Variants in DPYD observed in about 807,000 individuals in gnomAD.
DPYD encodes the protein dihydropyrimidine dehydrogenase.
In DPYD, 109 loss-of-function variants were observed where a neutral mutation model predicts 116.2. That is an observed-to-expected ratio of 0.94 (90% CI 0.80 to 1.10). The LOEUF (loss-of-function observed/expected upper bound fraction) is 1.10, where lower values mean the gene tolerates loss of function less well. Among genes scored for constraint, DPYD ranks in the 50% least tolerant of loss-of-function variants. The pLI is 0.00. For missense variants in DPYD, 1,302 were observed against 1,254.5 expected (o/e 1.04, Z -0.57); for synonymous variants, 440 against 432.0 (o/e 1.02, Z -0.23).
intron 14 of DPYD, among the ~76,000 whole-genome samples, chr1:97,397,770 T>A (rs1198899205): frequency 1.3e-5 from 2 of 152,056 alleles, no homozygotes; most frequent in Non-Finnish European, 2.9e-5. Flanking sequence ...TACTGAAGGA[T>A]ATTTTGGTTA....
intron 4 of DPYD, among the ~76,000 whole-genome samples, chr1:97,732,930 G>A (rs898377754): frequency 6.6e-6 from 1 of 151,980 alleles, no homozygotes; most frequent in East Asian, 1.9e-4. Context: ...AAAAAGCTAG[G>A]ATACTTTGAA....
chr1:97,332,062 T>C (rs186065972), intron 16 of DPYD, among the ~76,000 whole-genome samples: 2 of 152,324 alleles, frequency 1.3e-5, no homozygotes, highest in Non-Finnish European at 2.9e-5. Context: ...TTGATCATTG[T>C]TATCTTCTAA....
intron 14 of DPYD, among the ~76,000 whole-genome samples, chr1:97,391,480 A>C (rs1038730505): frequency 2.0e-5 from 3 of 152,022 alleles, no homozygotes; most frequent in African/African-American, 7.2e-5. Context: ...AGAGTTAAAA[A>C]ATAATAATAA....
At chr1:97,372,051 G>C (rs1025521454) in intron 16 of DPYD, among the ~76,000 whole-genome samples, 2 of 152,178 alleles carry the variant, frequency 1.3e-5, no homozygotes, top group Admixed American at 1.3e-4. Flanking sequence ...AGTAAATTCA[G>C]ATGTGCTCAT....
chr1:97,471,740 C>T (rs1319513797), intron 13 of DPYD, among the ~76,000 whole-genome samples: 1 of 152,132 alleles, frequency 6.6e-6, no homozygotes, highest in South Asian at 2.1e-4. Flanking sequence ...CAGGCGCCCA[C>T]CACCATGCCC....
intron 18 of DPYD, among the ~76,000 whole-genome samples, chr1:97,252,097 T>C (rs1319201066): frequency 6.6e-6 from 1 of 152,172 alleles, no homozygotes; most frequent in Non-Finnish European, 1.5e-5. Context: ...TTAAGGAATA[T>C]TTGGCTCATA....
At chr1:97,268,459 C>T (rs1235905885) in intron 18 of DPYD, among the ~76,000 whole-genome samples, 8 of 152,134 alleles carry the variant, frequency 5.3e-5, no homozygotes, top group African/African-American at 1.9e-4. Context: ...TATGACAAGT[C>T]TCTTCTTAGG....
intron 18 of DPYD, among the ~76,000 whole-genome samples, chr1:97,273,694 TG>T (rs965763508): frequency 6.6e-6 from 1 of 152,204 alleles, no homozygotes; most frequent in African/African-American, 2.4e-5. Flanking sequence ...ATTGCTTTTT[TG>T]TAAGACATTT....
At chr1:97,891,648 A>G (rs988320072) in intron 1 of DPYD, among the ~76,000 whole-genome samples, 3 of 151,906 alleles carry the variant, frequency 2.0e-5, no homozygotes, top group African/African-American at 7.2e-5. Context: ...AAAAAAGAGA[A>G]GCCTGTATTG....
chr1:97,721,499 AT>A lies in DPYD; in HGVS notation c.483+10del. 6.2e-7 allele frequency: 1 copy of A among 1,610,874 alleles called. No homozygotes were observed. The highest frequency in any genetic ancestry group is 1.3e-5 in the African/African-American group (1 of 74,816). The stretch of plus-strand genomic sequence containing the variant: ...GGTAGTGGGGGGATGTCACGTGTAT[AT>A]CATACATACCTCAGTAGCAAATTGC... On this transcript the variant is annotated intron_variant, in intron 5 of 22. Coordinates refer to ENST00000370192, the MANE Select transcript of DPYD (RefSeq NM_000110.4).
rs542803127 is a variant in DPYD, at chr1:97,495,613, T to C, written c.1740+20113A>G. On this transcript the variant is annotated intron_variant, in intron 13 of 22. Coordinates refer to ENST00000370192, the MANE Select transcript of DPYD (RefSeq NM_000110.4). ...AAGACAGTTTGTTAACAATTTGTCA[T>C]GACACCTCTGCTGGGTGGGAGGATG... Among the ~76,000 whole-genome samples the C allele has an allele frequency of 5.3e-5, 8 of 152,184 alleles. 1 individual carries two copies. In the South Asian group the frequency reaches 1.0e-3, roughly 20 times the overall value.
Position 97,193,213 on chromosome 1 carries a change from C to G in DPYD, c.2478G>C (p.Val826=), listed in dbSNP as rs201575324. ...TGAGGCCAGTGCAGTAGTCTTCGATCACAGTGAAATCCTGATTCTGAATGG... is the reference window on the plus strand; with the variant it reads ...TGAGGCCAGTGCAGTAGTCTTCGATGACAGTGAAATCCTGATTCTGAATGG... ...CSAIQNQDFT[V]IEDYCTGLKA... Residue 826 remains valine, a synonymous_variant, in exon 20 of 23, where the codon GTG becomes GTC. Transcript: ENST00000370192. The G allele has an allele frequency of 1.2e-6, 2 of 1,613,832 alleles. No individual in the cohort carries two copies. The highest frequency in any genetic ancestry group is 8.5e-7 in the Non-Finnish European group (1 of 1,179,896).
At chr1:97,734,362 T>C (rs1663804110) in intron 4 of DPYD, among the ~76,000 whole-genome samples, 1 of 152,138 alleles carries the variant, frequency 6.6e-6, no homozygotes, top group African/African-American at 2.4e-5. Context: ...TTGGTTCTAT[T>C]TATAGACTCT....
intron 15 of DPYD, among the ~76,000 whole-genome samples, chr1:97,377,035 C>G (rs1367548502): frequency 1.3e-5 from 2 of 150,348 alleles, no homozygotes. Flanking sequence ...AGGAAAACAT[C>G]AAGTCAGAGA....
At chr1:97,437,064 A>G (rs1675511363) in intron 14 of DPYD, among the ~76,000 whole-genome samples, 1 of 151,842 alleles carries the variant, frequency 6.6e-6, no homozygotes, top group Non-Finnish European at 1.5e-5. Context: ...ACATACTTAA[A>G]GTATACAATT....
At chr1:97,782,269 G>A (rs1322874041) in intron 3 of DPYD, among the ~76,000 whole-genome samples, 1 of 152,150 alleles carries the variant, frequency 6.6e-6, no homozygotes, top group Non-Finnish European at 1.5e-5. Flanking sequence ...TCACGGCGCA[G>A]AGCTACCAGC....
At chr1:97,633,741 A>G (rs997700310) in intron 8 of DPYD, among the ~76,000 whole-genome samples, 4 of 152,148 alleles carry the variant, frequency 2.6e-5, no homozygotes, top group African/African-American at 9.7e-5. Flanking sequence ...AAGTGGTTAG[A>G]TTCAGGGGCT....
intron 8 of DPYD, among the ~76,000 whole-genome samples, chr1:97,649,377 A>G (rs1229716885): frequency 6.6e-6 from 1 of 152,156 alleles, no homozygotes; most frequent in Non-Finnish European, 1.5e-5. Flanking sequence ...AGCAAATTTT[A>G]GAAAATAAAA....
chr1:97,250,763 A>C (rs578094440), intron 18 of DPYD, among the ~76,000 whole-genome samples: 25 of 152,290 alleles, frequency 1.6e-4, no homozygotes, highest in Admixed American at 3.9e-4. Flanking sequence ...TATAAGTCTC[A>C]GCTGGAGATG....
Sources: gnomAD v4.1 joint callset for allele counts (sites outside exome capture counted in the v4.1 genomes callset) on GRCh38, gnomAD v4.1.1 for gene constraint, MANE v1.5 for transcripts, NCBI Gene and HGNC (gene_info 2026-07-23, HGNC 2026-07-21) for gene names.